ZNF804A: variants seen among roughly 807,000 people sequenced by gnomAD.
ZNF804A encodes zinc finger protein 804A.
A neutral mutation model predicts 16.5 loss-of-function variants in ZNF804A; 2 were observed. That is an observed-to-expected ratio of 0.12 (90% confidence interval 0.05 to 0.38). The LOEUF (loss-of-function observed/expected upper bound fraction) is 0.38. Ranked by LOEUF, ZNF804A falls within the 10% of genes least tolerant of loss-of-function variation. The pLI, the probability that ZNF804A is intolerant of heterozygous loss-of-function variation, is 0.99. For missense variants in ZNF804A, 1,473 were observed against 1,390.7 expected (o/e 1.06, Z -0.94); for synonymous variants, 534 against 489.6 (o/e 1.09, Z -1.20).
At chr2:184,644,435 A>G (rs1559115951) in intron 1 of ZNF804A, among the ~76,000 whole-genome samples, 1 of 151,772 alleles carries the variant, frequency 6.6e-6, no homozygotes, top group Non-Finnish European at 1.5e-5. Flanking sequence ...AAGGTAAGTT[A>G]TTATAAAATA....
chr2:184,758,390 T>A (rs753792443), intron 1 of ZNF804A, among the ~76,000 whole-genome samples: 33 of 151,716 alleles, frequency 2.2e-4, no homozygotes, highest in Non-Finnish European at 3.7e-4. Context: ...TACACTACTT[T>A]AGGTGTTTTA....
At chr2:184,890,291 T>C (rs1380527020) in intron 2 of ZNF804A, among the ~76,000 whole-genome samples, 2 of 152,186 alleles carry the variant, frequency 1.3e-5, no homozygotes, top group Non-Finnish European at 2.9e-5. Flanking sequence ...GAAGAAATGC[T>C]AGATGTTAAC....
At chr2:184,820,864 A>G (rs4614893) in intron 1 of ZNF804A, among the ~76,000 whole-genome samples, 50,573 of 151,860 alleles carry the variant, frequency 0.33, 11,761 homozygotes, top group African/African-American at 0.66. Flanking sequence ...AACAAGGGAA[A>G]TGAAGCACCT....
At chr2:184,661,509 A>G (rs1419623974) in intron 1 of ZNF804A, among the ~76,000 whole-genome samples, 2 of 152,238 alleles carry the variant, frequency 1.3e-5, no homozygotes, top group Admixed American at 1.3e-4. Flanking sequence ...AGAGGACCCT[A>G]AAAGTGGGGT....
chr2:184,635,757 TTGAA>T (rs1473460249), intron 1 of ZNF804A, among the ~76,000 whole-genome samples: 3 of 152,170 alleles, frequency 2.0e-5, no homozygotes, highest in African/African-American at 4.8e-5. Context: ...GTCAGAAAGA[TTGAA>T]TGATTATTTG....
At chr2:184,880,584 T>C in intron 2 of ZNF804A, among the ~76,000 whole-genome samples, 1 of 152,154 alleles carries the variant, frequency 6.6e-6, no homozygotes, top group Middle Eastern at 3.2e-3. Flanking sequence ...TAATCAATTA[T>C]TCTGTGGACA....
chr2:184,681,376 T>C (rs1692536801), intron 1 of ZNF804A, among the ~76,000 whole-genome samples: 1 of 152,212 alleles, frequency 6.6e-6, no homozygotes, highest in Admixed American at 6.5e-5. Flanking sequence ...CCAATGATGC[T>C]AGGACTTTGA....
intron 1 of ZNF804A, among the ~76,000 whole-genome samples, chr2:184,753,408 G>A (rs1693905324): frequency 6.6e-6 from 1 of 151,438 alleles, no homozygotes; most frequent in Non-Finnish European, 1.5e-5. Context: ...CACATACCAT[G>A]CTACTCTTAG....
At chr2:184,723,111 A>T (rs184880526) in intron 1 of ZNF804A, among the ~76,000 whole-genome samples, 134 of 152,022 alleles carry the variant, frequency 8.8e-4, no homozygotes, top group African/African-American at 2.6e-3. Flanking sequence ...ACCCTGTACC[A>T]TGTTAAAAAT....
chr2:184,777,562 AT>A (rs11420949), intron 1 of ZNF804A, among the ~76,000 whole-genome samples: 24 of 150,504 alleles, frequency 1.6e-4, no homozygotes, highest in Middle Eastern at 3.5e-3. Context: ...TGCTGTCTAC[AT>A]TTTTTTTTAC....
At chr2:184,808,464 A>G (rs1399071278) in intron 1 of ZNF804A, among the ~76,000 whole-genome samples, 1 of 151,670 alleles carries the variant, frequency 6.6e-6, no homozygotes, top group Non-Finnish European at 1.5e-5. Flanking sequence ...TCAGACAGAA[A>G]TGTGAATCTC....
intron 2 of ZNF804A, among the ~76,000 whole-genome samples, chr2:184,882,495 A>T (rs1241094095): frequency 1.3e-5 from 2 of 152,076 alleles, no homozygotes; most frequent in African/African-American, 4.8e-5. Flanking sequence ...CCCAAACAAC[A>T]TTATATACAT....
At chr2:184,713,234 A>AT (rs1040975396) in intron 1 of ZNF804A, among the ~76,000 whole-genome samples, 1 of 151,360 alleles carries the variant, frequency 6.6e-6, no homozygotes, top group African/African-American at 2.4e-5. Flanking sequence ...AAAGATGGCT[A>AT]TTTTTTTTCA....
intron 1 of ZNF804A, among the ~76,000 whole-genome samples, chr2:184,785,330 G>A (rs922786207): frequency 1.3e-4 from 20 of 151,944 alleles, no homozygotes; most frequent in African/African-American, 4.8e-4. Context: ...TAAATACTCT[G>A]TGATTAAGTG....
chr2:184,866,569 T>C lies in ZNF804A; in HGVS notation c.255+57T>C, dbSNP rs568404177. 989 of 1,431,860 alleles carry C rather than the reference T, an allele frequency of 6.9e-4. 3 individuals are homozygous for C. The African/African-American group carries it at 0.012, about 18-fold the overall frequency. The allele number at this position is 1,431,860 out of a possible 1,614,324, so 88.7% of individuals were successfully genotyped here. A position where few individuals can be genotyped will look rare whatever the true frequency, so the allele number is the denominator to read the frequency against. ...TTCTGGACTTGTGTAATAGTTTTAA[T>C]TGTGTAGACTCTATGAATATGATAT... On this transcript the variant is annotated intron_variant, in intron 2 of 3. Coordinates refer to ENST00000302277, the MANE Select transcript of ZNF804A (RefSeq NM_194250.2).
intron 1 of ZNF804A, among the ~76,000 whole-genome samples, chr2:184,603,976 T>A (rs1002577439): frequency 6.6e-6 from 1 of 152,036 alleles, no homozygotes; most frequent in Non-Finnish European, 1.5e-5. Flanking sequence ...AACACAAACA[T>A]GCAAGCAGTA....
intron 1 of ZNF804A, among the ~76,000 whole-genome samples, chr2:184,772,707 A>G (rs1041749323): frequency 6.6e-6 from 1 of 151,686 alleles, no homozygotes; most frequent in African/African-American, 2.4e-5. Context: ...CTGCTTTCAA[A>G]GCAAGAGCAT....
intron 2 of ZNF804A, among the ~76,000 whole-genome samples, chr2:184,887,949 A>G (rs1230792299): frequency 6.6e-6 from 1 of 152,136 alleles, no homozygotes; most frequent in African/African-American, 2.4e-5. Flanking sequence ...AAGAGGGAAA[A>G]AACAGACACC....
intron 1 of ZNF804A, among the ~76,000 whole-genome samples, chr2:184,834,484 T>A (rs945571273): frequency 6.6e-6 from 1 of 152,070 alleles, no homozygotes; most frequent in Non-Finnish European, 1.5e-5. Flanking sequence ...TTCTTTTAAA[T>A]CCTCTTAGTG....
Sources: allele counts gnomAD v4.1 joint callset (sites outside exome capture counted in the v4.1 genomes callset), GRCh38; gene constraint gnomAD v4.1.1; transcripts MANE v1.5; gene names NCBI Gene and HGNC (gene_info 2026-07-23, HGNC 2026-07-21).